Variants in TMEM132D observed in about 807,000 individuals in gnomAD.
TMEM132D encodes mature OL transmembrane protein.
TMEM132D carries 21 observed loss-of-function variants against 62.3 expected under a neutral mutation model. The observed-to-expected ratio is 0.34, with a 90% CI of 0.24 to 0.49. The LOEUF (loss-of-function observed/expected upper bound fraction) is 0.49, where lower values mean the gene tolerates loss of function less well. Ranked by LOEUF, TMEM132D falls within the 20% of genes least tolerant of loss-of-function variation. The pLI, the probability that TMEM132D is intolerant of heterozygous loss-of-function variation, is 0.99. For synonymous variants in TMEM132D, 621 were observed against 575.6 expected, an observed-to-expected ratio of 1.08 and a Z score of -1.13; for missense variants, 1,346 against 1,402.8, an observed-to-expected ratio of 0.96 and a Z score of 0.65.
intron 1 of TMEM132D, among the ~76,000 whole-genome samples, chr12:129,828,295 C>CTCTGAGCTGT: frequency 6.6e-6 from 1 of 152,094 alleles, no homozygotes; most frequent in African/African-American, 2.4e-5. Flanking sequence ...TTAGTCTTTG[C>CTCTGAGCTGT]TTCTCCATTA....
chr12:129,619,141 A>G (rs551933550), intron 2 of TMEM132D, among the ~76,000 whole-genome samples: 38 of 152,290 alleles, frequency 2.5e-4, no homozygotes, highest in Non-Finnish European at 1.9e-4. Flanking sequence ...TTAATGCTGG[A>G]GGGGATAATG....
chr12:129,802,037 G>T (rs956629532), intron 1 of TMEM132D, among the ~76,000 whole-genome samples: 3 of 148,364 alleles, frequency 2.0e-5, no homozygotes, highest in African/African-American at 5.0e-5. Context: ...ATGGGACTAT[G>T]TGAAAAGACC....
At chr12:129,130,821 G>A (rs573107857) in intron 5 of TMEM132D, among the ~76,000 whole-genome samples, 1 of 152,290 alleles carries the variant, frequency 6.6e-6, no homozygotes, top group Admixed American at 6.5e-5. Context: ...ACATACCTAT[G>A]GATTATACCA....
intron 3 of TMEM132D, among the ~76,000 whole-genome samples, chr12:129,365,275 G>C (rs1870368592): frequency 6.6e-6 from 1 of 152,136 alleles, no homozygotes; most frequent in South Asian, 2.1e-4. Context: ...TGAGTGACAT[G>C]AACTGTTAAG....
At chr12:129,216,995 T>TTTG (rs971518951) in intron 4 of TMEM132D, among the ~76,000 whole-genome samples, 13 of 152,086 alleles carry the variant, frequency 8.5e-5, no homozygotes, top group South Asian at 4.2e-4. Context: ...AAAAACATTT[T>TTTG]TTGTTGTTGT....
At chr12:129,773,954 G>T (rs189634307) in intron 1 of TMEM132D, among the ~76,000 whole-genome samples, 1 of 152,300 alleles carries the variant, frequency 6.6e-6, no homozygotes, top group East Asian at 1.9e-4. Flanking sequence ...ATGAGACAAT[G>T]CATATAAACC....
chr12:129,379,566 G>A (rs1309644783), intron 3 of TMEM132D, among the ~76,000 whole-genome samples: 4 of 152,204 alleles, frequency 2.6e-5, no homozygotes, highest in Non-Finnish European at 5.9e-5. Context: ...TTTAACATCT[G>A]AACCTGGCAC....
At chr12:129,842,097 ATTTT>A (rs746315309) in intron 1 of TMEM132D, among the ~76,000 whole-genome samples, 9 of 97,438 alleles carry the variant, frequency 9.2e-5, no homozygotes, top group African/African-American at 2.9e-4. Context: ...CGCCCGGCTA[ATTTT>A]TTTTTTTTTT....
At chr12:129,524,411 C>T (rs571295536) in intron 3 of TMEM132D, among the ~76,000 whole-genome samples, 5 of 152,194 alleles carry the variant, frequency 3.3e-5, no homozygotes, top group Admixed American at 2.0e-4. Flanking sequence ...ATTTTCTCCC[C>T]GTTCAACATT....
rs138243844 is a variant in TMEM132D, at chr12:129,780,258, C to T, written c.80-79560G>A. Among the ~76,000 whole-genome samples the T allele has an allele frequency of 5.9e-3, 893 of 152,146 alleles. 21 individuals are homozygous for T. Among genetic ancestry groups the T allele is most frequent in the Admixed American group, 0.044 (671 of 15,286 alleles). ...CACTGTGGACAGCGTTGACCCTCCC[C>T]CTCCGAGCATGAACAGGTGAGTAAT... On this transcript the variant is annotated intron_variant, in intron 1 of 8. Transcript: ENST00000422113.
intron 1 of TMEM132D, among the ~76,000 whole-genome samples, chr12:129,812,035 T>C (rs1329959532): frequency 2.0e-5 from 3 of 151,702 alleles, no homozygotes; most frequent in Non-Finnish European, 4.4e-5. Flanking sequence ...AGAACTGGAG[T>C]TAATAAGCAC....
At chr12:129,329,681 A>G (rs1593339332) in intron 4 of TMEM132D, among the ~76,000 whole-genome samples, 1 of 152,110 alleles carries the variant, frequency 6.6e-6, no homozygotes, top group South Asian at 2.1e-4. Flanking sequence ...GTGTATTCCA[A>G]TGAGGGATAA....
chr12:129,333,461 A>C lies in TMEM132D; in HGVS notation c.1299+4173T>G, dbSNP rs61619267. Among the ~76,000 whole-genome samples the C allele has an allele frequency of 0.032, 4,935 of 152,310 alleles. 402 individuals carry two copies. In the East Asian group the frequency reaches 0.35, roughly 11 times the overall value. ...AATCTTGTGTGGTAGTGTCATGGAG[A>C]TATACGGGGAACTTTTTGTTTGGGA... On this transcript the variant is annotated intron_variant, in intron 4 of 8. Coordinates refer to ENST00000422113, the MANE Select transcript of TMEM132D (RefSeq NM_133448.3).
chr12:129,251,759 G>A (rs1242976042), intron 4 of TMEM132D, among the ~76,000 whole-genome samples: 1 of 152,142 alleles, frequency 6.6e-6, no homozygotes, highest in Non-Finnish European at 1.5e-5. Context: ...GGAATAGGAG[G>A]GAATAATGTG....
In TMEM132D at chr12:129,490,274, A is replaced by G. The variant is rs530012794; in HGVS notation, c.1115+40785T>C. 6.3e-4 allele frequency among the ~76,000 whole-genome samples: 96 copies of G among 152,226 alleles called. 1 individual carries two copies. The South Asian group carries it at 0.019, about 30-fold the overall frequency. ...CTACATCCATCTCAGTGCACTCAAT[A>G]ATATTTGCCAAACTATTCAGTTTAG... On this transcript the variant is annotated intron_variant, in intron 3 of 8. Coordinates refer to ENST00000422113, the MANE Select transcript of TMEM132D (RefSeq NM_133448.3).
intron 5 of TMEM132D, among the ~76,000 whole-genome samples, chr12:129,147,592 A>G (rs953111950): frequency 1.3e-4 from 20 of 152,132 alleles, no homozygotes; most frequent in Non-Finnish European, 5.9e-5. Flanking sequence ...CCTCCAGTAC[A>G]AGACCCAGCC....
intron 1 of TMEM132D, among the ~76,000 whole-genome samples, chr12:129,886,773 G>C (rs1410670085): frequency 4.6e-5 from 7 of 152,156 alleles, no homozygotes; most frequent in Middle Eastern, 3.2e-3. Flanking sequence ...TGTCGTGGAA[G>C]GGACCCGGTG....
At chr12:129,845,195 G>T (rs1294436677) in intron 1 of TMEM132D, among the ~76,000 whole-genome samples, 1 of 152,092 alleles carries the variant, frequency 6.6e-6, no homozygotes, top group African/African-American at 2.4e-5. Flanking sequence ...TTTAAAATAC[G>T]CATACCAAGT....
At chr12:129,569,038 T>C (rs1345136327) in intron 2 of TMEM132D, among the ~76,000 whole-genome samples, 1 of 152,198 alleles carries the variant, frequency 6.6e-6, no homozygotes, top group Non-Finnish European at 1.5e-5. Flanking sequence ...TAACAAATGC[T>C]GCTGGTCCTG....
Sources: allele counts gnomAD v4.1 joint callset (sites outside exome capture counted in the v4.1 genomes callset), GRCh38; gene constraint gnomAD v4.1.1; transcripts MANE v1.5; gene names NCBI Gene and HGNC (gene_info 2026-07-23, HGNC 2026-07-21).